The following FAM131B variants were observed in gnomAD, a reference collection of about 807,000 sequenced individuals.
The protein encoded by FAM131B is family with sequence similarity 131 member B, also known as protein FAM131B.
A neutral mutation model predicts 42.0 loss-of-function variants in FAM131B; 19 were observed. The ratio of observed to expected loss-of-function variants is 0.45; its 90% CI spans 0.32 to 0.66. The LOEUF (loss-of-function observed/expected upper bound fraction) is 0.66, where lower values mean the gene tolerates loss of function less well. Ranked by LOEUF, FAM131B falls within the 30% of genes least tolerant of loss-of-function variation. The pLI is 0.05. For missense variants in FAM131B, 370 were observed against 468.4 expected (o/e 0.79, Z 1.94); for synonymous variants, 183 against 177.6 (o/e 1.03, Z -0.24).
Position 143,357,363 on chromosome 7 carries a change from C to G in FAM131B, c.527G>C (p.Gly176Ala). Residue 176 changes from glycine (G) to alanine (A), a missense_variant, in exon 6 of 7, where the codon GGT becomes GCT. Coordinates refer to ENST00000443739, the MANE Select transcript of FAM131B (RefSeq NM_001031690.3). ...ATLMAWSSMD[G>A]EDMSVNSTQE... ...GGTGGAGTTCACACTCATGTCCTCACCATCCATGGAAGACCAGGCCATGAG... is the reference window on the plus strand; with the variant it reads ...GGTGGAGTTCACACTCATGTCCTCAGCATCCATGGAAGACCAGGCCATGAG... 1 of 1,613,960 alleles carries G rather than the reference C, an allele frequency of 6.2e-7. No individual in the cohort carries two copies. Among genetic ancestry groups the G allele is most frequent in the African/African-American group, 1.3e-5 (1 of 75,028 alleles).
the FAM131B span, among the ~76,000 whole-genome samples, chr7:143,375,134 C>T: frequency 3.3e-5 from 5 of 152,278 alleles, no homozygotes; most frequent in African/African-American, 1.2e-4. Context: ...ATGAATAATT[C>T]GTGATGCAAT....
the FAM131B span, among the ~76,000 whole-genome samples, chr7:143,372,939 A>C: frequency 1.3e-5 from 2 of 151,934 alleles, no homozygotes; most frequent in East Asian, 3.9e-4. Flanking sequence ...CAGCCTGGGC[A>C]ACAAGAGTAA....
chr7:143,374,765 A>G, the FAM131B span, among the ~76,000 whole-genome samples: 2 of 151,974 alleles, frequency 1.3e-5, no homozygotes, highest in African/African-American at 4.8e-5. Context: ...CTTTGCAAAC[A>G]CTTCTCCTTT....
intron 5 of FAM131B, among the ~76,000 whole-genome samples, chr7:143,357,704 T>C (rs1006750121): frequency 1.3e-5 from 2 of 152,236 alleles, no homozygotes; most frequent in Non-Finnish European, 2.9e-5. Context: ...CTTTTATTTA[T>C]ATGAAGCCTT....
Position 143,356,292 on chromosome 7 carries a change from C to T in FAM131B, c.*258G>A. On this transcript the variant is annotated 3_prime_UTR_variant, in exon 7 of 7. Coordinates refer to ENST00000443739, the MANE Select transcript of FAM131B (RefSeq NM_001031690.3). This position sits in a 1 kb window ranked among gnomAD's most constrained non-coding sequence, Gnocchi z 4.4. Reference sequence around the variant, plus strand: ...CGGCACAGACCCAGAAGCCCACAGCCCAGGTCCTTCTCCACAGCCACACCA... The same window carrying T: ...CGGCACAGACCCAGAAGCCCACAGCTCAGGTCCTTCTCCACAGCCACACCA... 1.9e-6 allele frequency: 1 copy of T among 513,216 alleles called. No homozygotes were observed. The highest frequency in any genetic ancestry group is 2.6e-5 in the South Asian group (1 of 37,820). The allele number at this position is 513,216 out of a possible 1,614,324, so 31.8% of individuals were successfully genotyped here.
chr7:143,358,837 A>C lies in FAM131B; in HGVS notation c.456T>G (p.Arg152=). ...TTAGGGTACCTGTACCTGCTAGAAA[A>C]CGTGCCTCCTTCTCGCCATCGCTGA... The part of the protein sequence containing the change: ...SDLSDGEKEA[R]FLAGVMEQFA... Residue 152 remains arginine (R), a synonymous_variant, in exon 5 of 7, where the codon CGT becomes CGG. Coordinates refer to ENST00000443739, the MANE Select transcript of FAM131B (RefSeq NM_001031690.3). The surrounding 1 kb of genome is among the most constrained non-coding windows in gnomAD (Gnocchi z 4.7). 1 of 1,613,866 alleles carries C rather than the reference A, an allele frequency of 6.2e-7. No individual in the cohort carries two copies. The highest frequency in any genetic ancestry group is 8.5e-7 in the Non-Finnish European group (1 of 1,179,928).
upstream of FAM131B, chr7:143,362,739 C>T: frequency 3.2e-6 from 1 of 308,210 alleles, no homozygotes; most frequent in African/African-American, 2.2e-5. This position sits in a 1 kb window ranked among gnomAD's most constrained non-coding sequence, Gnocchi z 7.7. Flanking sequence ...CCCCTCCCCT[C>T]TCCATCCCTC....
the FAM131B span, chr7:143,381,291 T>TC: frequency 1.4e-5 from 15 of 1,076,526 alleles, no homozygotes; most frequent in Non-Finnish European, 1.7e-5. Flanking sequence ...TCTCCCTCCC[T>TC]CCTCCTTCCG....
At chr7:143,377,283 T>C in the FAM131B span, among the ~76,000 whole-genome samples, 1 of 152,190 alleles carries the variant, frequency 6.6e-6, no homozygotes, top group Non-Finnish European at 1.5e-5. Flanking sequence ...CTTGACATCT[T>C]CTGGAAATGT....
chr7:143,381,558 A>AGCCCG, the FAM131B span: 642 of 1,607,582 alleles, frequency 4.0e-4, 3 homozygotes, highest in African/African-American at 7.5e-3. Flanking sequence ...CCACCCCAGC[A>AGCCCG]GCCCGGCCCG....
Position 143,359,577 on chromosome 7 carries a change from C to T in FAM131B, c.174+155G>A. ...AAGAGTCCCAAGGAGGGATATATCCCCAGTGCTCTGGAAAACTGGGGCACA... is the reference window on the plus strand; with the variant it reads ...AAGAGTCCCAAGGAGGGATATATCCTCAGTGCTCTGGAAAACTGGGGCACA... On this transcript the variant is annotated intron_variant, in intron 3 of 6. Coordinates refer to ENST00000443739, the MANE Select transcript of FAM131B (RefSeq NM_001031690.3). This position sits in a 1 kb window ranked among gnomAD's most constrained non-coding sequence, Gnocchi z 5.4. 1.1e-6 allele frequency: 1 copy of T among 932,016 alleles called. No homozygotes were observed. The highest frequency in any genetic ancestry group is 1.7e-6 in the Non-Finnish European group (1 of 581,212). 57.7% of individuals were successfully genotyped at this position (932,016 alleles called of 1,614,324 possible).
In FAM131B at chr7:143,357,009, T is replaced by C; in HGVS notation, c.624A>G (p.Gln208=). The C allele has an allele frequency of 6.2e-7, 1 of 1,611,594 alleles. No homozygotes were observed. The highest frequency in any genetic ancestry group is 8.5e-7 in the Non-Finnish European group (1 of 1,178,078). Residue 208 remains glutamine (Q), a synonymous_variant, in exon 7 of 7, where the codon CAA becomes CAG. Coordinates refer to ENST00000443739, the MANE Select transcript of FAM131B (RefSeq NM_001031690.3). ...AGTGAGGCCATCCATCCATGGGTGC[T>C]TGAGCCAGGGCATCTGGAAAAAGAA... ...ELMDSQDALA[Q]APMDGWPHSY...
the FAM131B span, chr7:143,380,899 C>T: frequency 4.9e-6 from 3 of 610,688 alleles, no homozygotes; most frequent in Non-Finnish European, 6.2e-6. The surrounding 1 kb of genome is among the most constrained non-coding windows in gnomAD (Gnocchi z 5.0). Context: ...GAGAGGAGGT[C>T]GCTGGGCCGG....
At chr7:143,375,460 A>G in the FAM131B span, among the ~76,000 whole-genome samples, 1 of 152,094 alleles carries the variant, frequency 6.6e-6, no homozygotes, top group Admixed American at 6.6e-5. Context: ...TTTCTGAGAC[A>G]GTGTCCATTG....
At chr7:143,380,247 A>G in the FAM131B span, 1 of 984,850 alleles carries the variant, frequency 1.0e-6, no homozygotes, top group African/African-American at 1.7e-5. The surrounding 1 kb of genome is among the most constrained non-coding windows in gnomAD (Gnocchi z 5.0). Context: ...AAAAAAAAAA[A>G]AAGAACTAGA....
chr7:143,380,854 G>A, the FAM131B span: 1 of 897,582 alleles, frequency 1.1e-6, no homozygotes, highest in Non-Finnish European at 1.3e-6. This position sits in a 1 kb window ranked among gnomAD's most constrained non-coding sequence, Gnocchi z 5.0. Context: ...CGGGTAGCGG[G>A]TGGTGGCAGG....
In FAM131B at chr7:143,359,681, G is replaced by A. The variant is rs1394530030; in HGVS notation, c.174+51C>T. ...GGTTGGAAGGTGCAAGGGAGAAGAT[G>A]AGGAGGAGGAGTTCGGGAGGATGGG... On this transcript the variant is annotated intron_variant, in intron 3 of 6. Coordinates refer to ENST00000443739, the MANE Select transcript of FAM131B (RefSeq NM_001031690.3). The surrounding 1 kb of genome is among the most constrained non-coding windows in gnomAD (Gnocchi z 5.4). 1 of 1,506,034 alleles carries A rather than the reference G, an allele frequency of 6.6e-7. No individual in the cohort carries two copies. Among genetic ancestry groups the A allele is most frequent in the Middle Eastern group, 1.7e-4 (1 of 5,904 alleles). The allele number at this position is 1,506,034 out of a possible 1,614,324, so 93.3% of individuals were successfully genotyped here.
chr7:143,358,789 C>G lies in FAM131B; in HGVS notation c.466+38G>C. The stretch of plus-strand genomic sequence containing the variant: ...GTTGGAGGGTCGGTCCCTGGCCATC[C>G]TGCAAATGTGTCTCTTGAGGCTTTA... On this transcript the variant is annotated intron_variant, in intron 5 of 6. Coordinates refer to ENST00000443739, the MANE Select transcript of FAM131B (RefSeq NM_001031690.3). This position sits in a 1 kb window ranked among gnomAD's most constrained non-coding sequence, Gnocchi z 4.7. 1 of 1,585,438 alleles carries G rather than the reference C, an allele frequency of 6.3e-7. No homozygotes were observed. Among genetic ancestry groups the G allele is most frequent in the Non-Finnish European group, 8.6e-7 (1 of 1,157,120 alleles).
In FAM131B at chr7:143,355,687, C is replaced by T. The variant is rs1337190240; in HGVS notation, c.*863G>A. On this transcript the variant is annotated 3_prime_UTR_variant, in exon 7 of 7. Transcript: ENST00000443739. The surrounding 1 kb of genome is among the most constrained non-coding windows in gnomAD (Gnocchi z 4.1). The stretch of plus-strand genomic sequence containing the variant: ...GGTGTATCCAAGATGGGTGTCCCCA[C>T]ACCCTCCTCAGGCTCCCGGAGCAGG... The T allele has an allele frequency of 6.5e-6, 1 of 152,714 alleles. No homozygotes were observed. Among genetic ancestry groups the T allele is most frequent in the Admixed American group, 6.5e-5 (1 of 15,294 alleles). 9.5% of individuals were successfully genotyped at this position (152,714 alleles called of 1,614,324 possible).
Sources: allele counts gnomAD v4.1 joint callset (sites outside exome capture counted in the v4.1 genomes callset), GRCh38; gene constraint gnomAD v4.1.1; non-coding constraint Gnocchi (gnomAD v3.1); transcripts MANE v1.5; gene names NCBI Gene and HGNC (gene_info 2026-07-23, HGNC 2026-07-21).